Variants in SMPD4 observed in about 807,000 individuals in gnomAD.
The protein encoded by SMPD4 is neutral sphingomyelinase 3.
In SMPD4, 58 loss-of-function variants were observed where a neutral mutation model predicts 97.8. That is an observed-to-expected ratio of 0.59 (90% CI 0.48 to 0.74). The LOEUF is 0.74. SMPD4 is among the 30% of genes least tolerant of loss of function. SMPD4 has a pLI of 0.00. For synonymous variants in SMPD4, 388 were observed against 450.0 expected, an observed-to-expected ratio of 0.86 and a Z score of 1.74; for missense variants, 853 against 1,080.5, an observed-to-expected ratio of 0.79 and a Z score of 2.95.
rs565346706 is a variant in SMPD4, at chr2:130,156,599, C to A, written c.1174G>T (p.Ala392Ser). Residue 392 changes from alanine to serine, a missense_variant, in exon 13 of 20, where the codon GCA (alanine) becomes TCA (serine). Transcript: ENST00000680298. ...CCAACACTCACAGCTCTGAACGATGCGTCCAGGGGCCAGTGGCCAAAGCAA... is the reference window on the plus strand; with the variant it reads ...CCAACACTCACAGCTCTGAACGATGAGTCCAGGGGCCAGTGGCCAAAGCAA... ...QHCFGHWPLD[A>S]SFRAVLEMWL... 55 of 1,613,504 alleles carry A rather than the reference C, an allele frequency of 3.4e-5. No individual in the cohort carries two copies. Among genetic ancestry groups the A allele is most frequent in the Non-Finnish European group, 3.1e-5 (37 of 1,179,814 alleles).
chr2:130,159,009 CTTTTT>C (rs1007243311), intron 11 of SMPD4, among the ~76,000 whole-genome samples: 3 of 151,892 alleles, frequency 2.0e-5, no homozygotes, highest in Non-Finnish European at 4.4e-5. Context: ...GAGGCATTTT[CTTTTT>C]TTTGAGACAG....
Position 130,153,412 on chromosome 2 carries a change from C to A in SMPD4, c.1932G>T (p.Leu644Phe). 6.2e-7 allele frequency: 1 copy of A among 1,613,922 alleles called. No individual in the cohort carries two copies. The highest frequency in any genetic ancestry group is 8.5e-7 in the Non-Finnish European group (1 of 1,180,024). ...TTCCATTCTCATCCTGGGTGGTGCC[C>A]AAGGCGAGTGTGAACTGCCTGAGCT... is the stretch of plus-strand genomic sequence containing the variant. ...EAQLRQFTLA[L>F]GTTQDENGKK... Residue 644 changes from leucine to phenylalanine, a missense_variant, in exon 18 of 20, where the codon TTG becomes TTT. Leu to Phe is a conservative substitution (Grantham distance 22, BLOSUM62 0). This residue lies in a region of SMPD4 where 511 missense variants were observed against 608.1 expected (regional missense o/e 0.84). Transcript: ENST00000680298.
intron 10 of SMPD4, among the ~76,000 whole-genome samples, chr2:130,161,653 C>G (rs34463896): frequency 6.6e-6 from 1 of 151,832 alleles, no homozygotes; most frequent in South Asian, 2.1e-4. Flanking sequence ...CCCTTCAAGA[C>G]GGGACCCACT....
At chr2:130,152,928 A>G in intron 19 of SMPD4, 44 bp from the exon 20 acceptor site, 1 of 1,561,986 alleles carries the variant, frequency 6.4e-7, no homozygotes, top group Non-Finnish European at 8.7e-7. Context: ...TGGTGGCACC[A>G]CAGGCCTCAG....
intron 15 of SMPD4, 32 bp from the exon 16 acceptor site, chr2:130,154,514 T>C: frequency 6.4e-7 from 1 of 1,551,308 alleles, no homozygotes; most frequent in East Asian, 2.4e-5. Context: ...TGGCACCCAC[T>C]TCCCGGAGGC....
At chr2:130,179,125 T>TA (rs1689249289) in intron 1 of SMPD4, among the ~76,000 whole-genome samples, 1 of 149,112 alleles carries the variant, frequency 6.7e-6, no homozygotes, top group African/African-American at 2.5e-5. Context: ...TTCAATTCTT[T>TA]TTTTTTTTTT....
At chr2:130,153,957 G>A in intron 16 of SMPD4, 22 bp from the exon 17 acceptor site, 1 of 1,605,362 alleles carries the variant, frequency 6.2e-7, no homozygotes. Context: ...GCGCGGGCAG[G>A]TCACCAGCAG....
chr2:130,155,283 G>A (rs371683607), intron 14 of SMPD4, 24 bp from the exon 15 acceptor site: 2 of 1,613,306 alleles, frequency 1.2e-6, no homozygotes, highest in African/African-American at 2.7e-5. Context: ...TGGCAGGTTG[G>A]GGCCAGCCTT....
intron 11 of SMPD4, 43 bp downstream of exon 11, chr2:130,161,143 A>G (rs759802595): frequency 3.1e-5 from 49 of 1,590,236 alleles, no homozygotes; most frequent in Non-Finnish European, 4.0e-5. Flanking sequence ...CCAGGCATGG[A>G]CATGCACTCT....
intron 17 of SMPD4, 105 bp downstream of exon 17, chr2:130,153,597 T>A (rs1686451786): frequency 3.2e-6 from 5 of 1,550,382 alleles, no homozygotes; most frequent in Admixed American, 1.8e-5. Flanking sequence ...TGGGTCCATA[T>A]GTGTGGGGCC....
chr2:130,167,338 C>T, intron 9 of SMPD4, 120 bp downstream of exon 9: 3 of 1,428,608 alleles, frequency 2.1e-6, no homozygotes, highest in Non-Finnish European at 1.9e-6. Flanking sequence ...CCAGGTTGGT[C>T]CCAAACTCCT....
intron 4 of SMPD4, 50 bp from the exon 5 acceptor site, chr2:130,173,404 A>C: frequency 3.1e-6 from 5 of 1,606,062 alleles, no homozygotes; most frequent in Non-Finnish European, 4.3e-6. Flanking sequence ...ATGAACTGCG[A>C]ATTATCTTGC....
chr2:130,174,251 G>A (rs1177656420), intron 3 of SMPD4, among the ~76,000 whole-genome samples: 1 of 152,098 alleles, frequency 6.6e-6, no homozygotes, highest in African/African-American at 2.4e-5. Context: ...GAGCTCCTGG[G>A]CTTAAGTGAT....
chr2:130,156,215 A>T, intron 13 of SMPD4, 80 bp from the exon 14 acceptor site: 1 of 1,268,412 alleles, frequency 7.9e-7, no homozygotes, highest in Non-Finnish European at 1.1e-6. Flanking sequence ...ACCAGGCGGC[A>T]GCTGGGTGGG....
intron 1 of SMPD4, among the ~76,000 whole-genome samples, chr2:130,177,075 T>C (rs1558766168): frequency 1.3e-5 from 2 of 152,102 alleles, no homozygotes; most frequent in Non-Finnish European, 1.5e-5. Context: ...ACATTGCCAA[T>C]TCTCATGTCT....
At chr2:130,167,625 G>C (rs779839274) in intron 8 of SMPD4, 35 bp from the exon 9 acceptor site, 45 of 1,561,960 alleles carry the variant, frequency 2.9e-5, no homozygotes, top group Non-Finnish European at 3.9e-5. Context: ...CGAGTTACAG[G>C]CTCCCGCTGT....
chr2:130,181,347 G>GC, intron 1 of SMPD4, 183 bp downstream of exon 1: 1 of 1,438,478 alleles, frequency 7.0e-7, no homozygotes, highest in South Asian at 1.5e-5. Flanking sequence ...CAAAGGCATG[G>GC]CCCAGAGGGG....
intron 1 of SMPD4, among the ~76,000 whole-genome samples, chr2:130,180,487 G>C (rs1256322997): frequency 6.6e-6 from 1 of 151,856 alleles, no homozygotes; most frequent in Non-Finnish European, 1.5e-5. Flanking sequence ...TGGCCAGGCT[G>C]GTCTTGAACT....
At chr2:130,171,198 G>A (rs547511264) in intron 8 of SMPD4, among the ~76,000 whole-genome samples, 7 of 148,958 alleles carry the variant, frequency 4.7e-5, no homozygotes, top group Admixed American at 6.7e-5. Flanking sequence ...TCCGCCTCCC[G>A]GGTTCAAGCA....
Sources: allele counts gnomAD v4.1 joint callset (sites outside exome capture counted in the v4.1 genomes callset), GRCh38; gene constraint gnomAD v4.1.1; regional missense constraint gnomAD v4.1.1; transcripts MANE v1.5; gene names NCBI Gene and HGNC (gene_info 2026-07-23, HGNC 2026-07-21).